CPVL: variants seen among roughly 807,000 people sequenced by gnomAD.
CPVL encodes probable serine carboxypeptidase CPVL.
A neutral mutation model predicts 63.7 loss-of-function variants in CPVL; 51 were observed. The observed-to-expected ratio is 0.80, with a 90% CI of 0.64 to 1.01. CPVL has a LOEUF of 1.01. Ranked by LOEUF, CPVL falls within the 50% of genes least tolerant of loss-of-function variation. The probability of loss-of-function intolerance (pLI) is 0.00; values close to 1 mark genes in which losing one functional copy is unlikely to be tolerated. For synonymous variants in CPVL, 195 were observed against 206.0 expected, an observed-to-expected ratio of 0.95 and a Z score of 0.46; for missense variants, 530 against 573.1, an observed-to-expected ratio of 0.92 and a Z score of 0.77.
At chr7:29,012,832 C>A (rs1466505579) in intron 12 of CPVL, 2 of 152,188 alleles carry the variant, frequency 1.3e-5, no homozygotes, top group Admixed American at 6.5e-5. Context: ...AAACTGGCTA[C>A]ATATTAGAAA....
chr7:29,092,611 G>C lies in CPVL; in HGVS notation c.542+12C>G. The C allele has an allele frequency of 6.3e-7, 1 of 1,596,614 alleles. No individual in the cohort carries two copies. ...GTCTTAGGAAAGCCAAGAGAAAGCA[G>C]GAGCATTTTACCTGTATAAATCCCG... On this transcript the variant is annotated intron_variant, in intron 6 of 12. Coordinates refer to ENST00000265394, the MANE Select transcript of CPVL (RefSeq NM_031311.5).
At chr7:29,135,206 A>C (rs939910761) in intron 1 of CPVL, among the ~76,000 whole-genome samples, 13 of 152,182 alleles carry the variant, frequency 8.5e-5, no homozygotes, top group Admixed American at 7.2e-4. Flanking sequence ...AGGAACCATC[A>C]AGTTCCCAGA....
At chr7:29,055,236 ATTTTC>A (rs1478246743) in intron 11 of CPVL, among the ~76,000 whole-genome samples, 2 of 151,758 alleles carry the variant, frequency 1.3e-5, no homozygotes, top group Non-Finnish European at 2.9e-5. Flanking sequence ...AAACACCTCT[ATTTTC>A]TTTTCATTTA....
intron 5 of CPVL, among the ~76,000 whole-genome samples, chr7:29,169,107 A>T (rs1796282827): frequency 6.6e-6 from 1 of 152,070 alleles, no homozygotes; most frequent in African/African-American, 2.4e-5. Context: ...TAAAACATGG[A>T]ATTTTCCCCA....
At chr7:29,147,322 T>G, upstream of CPVL, 1 of 205,276 alleles carries the variant, frequency 4.9e-6, no homozygotes, top group Non-Finnish European at 9.8e-6. Flanking sequence ...TTCTGCACTG[T>G]CCCGGGCCAA....
At chr7:29,118,147 T>G (rs73304115) in intron 2 of CPVL, among the ~76,000 whole-genome samples, 2,798 of 152,254 alleles carry the variant, frequency 0.018, 87 homozygotes, top group African/African-American at 0.062. Context: ...AGAGCAGAAG[T>G]CAGAAGATTT....
chr7:29,081,286 T>C (rs1012579736), intron 7 of CPVL: 2 of 152,264 alleles, frequency 1.3e-5, no homozygotes, highest in South Asian at 2.1e-4. Context: ...TTTTGAAGTA[T>C]GTTTTTTTCA....
At chr7:28,998,491 G>A (rs1784305326) in intron 12 of CPVL, among the ~76,000 whole-genome samples, 1 of 152,168 alleles carries the variant, frequency 6.6e-6, no homozygotes, top group South Asian at 2.1e-4. Flanking sequence ...CTGAGCCTCA[G>A]GTTCCTTTAC....
intron 11 of CPVL, among the ~76,000 whole-genome samples, chr7:29,041,796 T>G (rs1264584194): frequency 6.6e-6 from 1 of 152,146 alleles, no homozygotes; most frequent in Non-Finnish European, 1.5e-5. Flanking sequence ...CACACAGGAT[T>G]CTGAAGACTC....
intron 11 of CPVL, among the ~76,000 whole-genome samples, chr7:29,057,495 A>G (rs1487222341): frequency 6.6e-6 from 1 of 152,190 alleles, no homozygotes; most frequent in Non-Finnish European, 1.5e-5. Context: ...GAAGTTATTA[A>G]TTTTAATGAT....
At chr7:29,192,747 T>C (rs1562818837) in intron 1 of CPVL, 2 of 152,072 alleles carry the variant, frequency 1.3e-5, no homozygotes, top group Non-Finnish European at 2.9e-5. Flanking sequence ...GCTCAGTAGG[T>C]CTAAGTAATT....
chr7:29,083,956 T>C (rs317731), intron 7 of CPVL, among the ~76,000 whole-genome samples: 8,535 of 152,116 alleles, frequency 0.056, 257 homozygotes, highest in African/African-American at 0.071. Context: ...TCAAGACTCG[T>C]GGATCAGAGA....
chr7:29,170,964 A>G (rs1796523325), intron 5 of CPVL, among the ~76,000 whole-genome samples: 1 of 151,952 alleles, frequency 6.6e-6, no homozygotes, highest in African/African-American at 2.4e-5. Context: ...TGCTTCAATT[A>G]CCTCCCACGG....
chr7:29,151,170 C>T (rs1035408970), upstream of CPVL, among the ~76,000 whole-genome samples: 2 of 152,218 alleles, frequency 1.3e-5, no homozygotes, highest in African/African-American at 4.8e-5. Flanking sequence ...CCACAGGCTA[C>T]AGACTCCAGG....
chr7:29,188,868 G>T (rs1410610887), intron 1 of CPVL, among the ~76,000 whole-genome samples: 2 of 151,328 alleles, frequency 1.3e-5, no homozygotes, highest in Non-Finnish European at 2.9e-5. Context: ...ATTTGTCCCA[G>T]TTGAAATGTA....
At chr7:29,115,842 C>T (rs1788727352) in intron 2 of CPVL, among the ~76,000 whole-genome samples, 1 of 152,160 alleles carries the variant, frequency 6.6e-6, no homozygotes, top group Non-Finnish European at 1.5e-5. Context: ...ATGATTCAAT[C>T]AATCTATCTC....
chr7:29,148,871 G>A (rs773405707), upstream of CPVL, among the ~76,000 whole-genome samples: 1 of 152,106 alleles, frequency 6.6e-6, no homozygotes, highest in Non-Finnish European at 1.5e-5. Context: ...GGGGAACAGA[G>A]GACAGGGACC....
chr7:29,036,960 G>A (rs920329780), intron 11 of CPVL, among the ~76,000 whole-genome samples: 2 of 152,090 alleles, frequency 1.3e-5, no homozygotes, highest in Admixed American at 6.6e-5. Flanking sequence ...AGTTCAGATC[G>A]ACCTGAGCCC....
chr7:29,189,546 A>G (rs1174769404), intron 1 of CPVL, among the ~76,000 whole-genome samples: 4 of 152,176 alleles, frequency 2.6e-5, no homozygotes, highest in Non-Finnish European at 1.5e-5. Flanking sequence ...TTGAAGACAG[A>G]AAAGATGTTT....
Sources: allele counts gnomAD v4.1 joint callset (sites outside exome capture counted in the v4.1 genomes callset), GRCh38; gene constraint gnomAD v4.1.1; transcripts MANE v1.5; gene names NCBI Gene and HGNC (gene_info 2026-07-23, HGNC 2026-07-21).